SAXO1: variants seen among roughly 807,000 people sequenced by gnomAD.
The protein encoded by SAXO1 is stabilizer of axonemal microtubules 1.
Under a neutral mutation model 17.5 loss-of-function variants are expected in SAXO1, and 21 were observed. The ratio of observed to expected loss-of-function variants is 1.20; its 90% CI spans 0.85 to 1.72. The LOEUF (loss-of-function observed/expected upper bound fraction) is 1.72. SAXO1 is among the 40% of genes most tolerant of loss of function. SAXO1 has a pLI of 0.00. For missense variants in SAXO1, 843 were observed against 596.0 expected, an observed-to-expected ratio of 1.41 and a Z score of -4.32; for synonymous variants, 274 against 216.5, an observed-to-expected ratio of 1.27 and a Z score of -2.33.
At chr9:18,969,008 T>C (rs1424541669) in intron 1 of SAXO1, among the ~76,000 whole-genome samples, 3 of 143,446 alleles carry the variant, frequency 2.1e-5, no homozygotes, top group East Asian at 3.9e-4. Flanking sequence ...GGCAAAACCC[T>C]GATCATTGTT....
chr9:18,928,131 G>T lies in SAXO1; in HGVS notation c.1346C>A (p.Ala449Glu), dbSNP rs753917712. The T allele has an allele frequency of 1.9e-6, 3 of 1,614,186 alleles. No individual in the cohort carries two copies. The South Asian group carries it at 3.3e-5, about 18-fold the overall frequency. Reference protein sequence around the residue: ...GHRIYKPVSQAGSQQSSHLSV... With the variant: ...GHRIYKPVSQEGSQQSSHLSV... ...AAGATGGCTGCTCTGCTGAGAGCCT[G>T]CCTGGGAAACTGGTTTGTATATCCT... is the stretch of plus-strand genomic sequence containing the variant. The change falls in exon 4 of 4, where the codon GCA becomes GAA. Residue 449 changes from alanine (A) to glutamate (E), a missense_variant. Transcript: ENST00000380534.
intron 1 of SAXO1, among the ~76,000 whole-genome samples, chr9:19,043,971 C>A (rs980311335): frequency 2.6e-5 from 4 of 151,764 alleles, no homozygotes; most frequent in African/African-American, 9.7e-5. Context: ...ATGGTGAAAC[C>A]CTGTCTCTAC....
At chr9:18,971,611 C>A (rs1273168758) in intron 1 of SAXO1, among the ~76,000 whole-genome samples, 4 of 152,092 alleles carry the variant, frequency 2.6e-5, no homozygotes, top group Non-Finnish European at 5.9e-5. Context: ...CTTTCCAAAA[C>A]AAGTAGGAGG....
intron 1 of SAXO1, among the ~76,000 whole-genome samples, chr9:19,042,046 T>C (rs1298663910): frequency 1.3e-5 from 2 of 152,200 alleles, no homozygotes; most frequent in Admixed American, 6.5e-5. Context: ...ACTACCCATC[T>C]GATAAAAAAT....
chr9:19,020,259 T>C (rs1835166153), intron 1 of SAXO1, among the ~76,000 whole-genome samples: 2 of 152,140 alleles, frequency 1.3e-5, no homozygotes, highest in Admixed American at 6.5e-5. Flanking sequence ...GTGTAATTGA[T>C]TTTTCATCCC....
At chr9:19,011,535 T>G (rs942199931) in intron 1 of SAXO1, among the ~76,000 whole-genome samples, 1 of 152,198 alleles carries the variant, frequency 6.6e-6, no homozygotes, top group Non-Finnish European at 1.5e-5. Flanking sequence ...AGCTAAACCC[T>G]AAATTGTAGG....
chr9:19,048,543 A>G (rs956145066), intron 1 of SAXO1, among the ~76,000 whole-genome samples: 1 of 152,212 alleles, frequency 6.6e-6, no homozygotes, highest in African/African-American at 2.4e-5. Flanking sequence ...GATACTGGCG[A>G]CACTGATTCA....
At chr9:19,043,804 G>A (rs915364921) in intron 1 of SAXO1, among the ~76,000 whole-genome samples, 1 of 151,696 alleles carries the variant, frequency 6.6e-6, no homozygotes, top group Non-Finnish European at 1.5e-5. Context: ...TAGCACAACA[G>A]GATAATTATA....
intron 1 of SAXO1, among the ~76,000 whole-genome samples, chr9:19,018,393 G>T (rs1039105636): frequency 5.3e-5 from 8 of 152,176 alleles, no homozygotes; most frequent in Non-Finnish European, 1.2e-4. Context: ...TGGCAGGAAG[G>T]TGCAAAGAAG....
chr9:19,047,180 C>T (rs1399375393), intron 1 of SAXO1, among the ~76,000 whole-genome samples: 1 of 152,048 alleles, frequency 6.6e-6, no homozygotes, highest in Non-Finnish European at 1.5e-5. Flanking sequence ...GAGCAAGACT[C>T]CATCTCAAAA....
chr9:19,005,508 T>A (rs1834448242), intron 1 of SAXO1, among the ~76,000 whole-genome samples: 1 of 152,146 alleles, frequency 6.6e-6, no homozygotes, highest in South Asian at 2.1e-4. Flanking sequence ...AACAAAGGTA[T>A]CAAGACTATT....
intron 3 of SAXO1, among the ~76,000 whole-genome samples, chr9:18,931,768 C>G (rs1280079649): frequency 6.6e-6 from 1 of 152,196 alleles, no homozygotes; most frequent in African/African-American, 2.4e-5. Flanking sequence ...TCTCTAATGA[C>G]TAATGATGTT....
intron 1 of SAXO1, among the ~76,000 whole-genome samples, chr9:18,966,129 T>C (rs556959707): frequency 3.7e-4 from 56 of 152,380 alleles, no homozygotes; most frequent in African/African-American, 1.0e-3. Flanking sequence ...TCTGATGGGC[T>C]TCCCTTTGTG....
At chr9:18,990,375 G>C (rs899477685) in intron 1 of SAXO1, among the ~76,000 whole-genome samples, 4 of 152,126 alleles carry the variant, frequency 2.6e-5, no homozygotes, top group African/African-American at 9.7e-5. Flanking sequence ...CTTGCTTGTT[G>C]CTGAGAACTC....
At chr9:19,027,398 G>C in intron 1 of SAXO1, 2 of 762,664 alleles carry the variant, frequency 2.6e-6, no homozygotes, top group Non-Finnish European at 2.4e-6. Context: ...GAGCAATACA[G>C]TGACACTGGG....
upstream of SAXO1, among the ~76,000 whole-genome samples, chr9:19,036,653 T>C (rs547313503): frequency 7.2e-5 from 11 of 152,252 alleles, no homozygotes; most frequent in Admixed American, 2.6e-4. Context: ...AAGTCAAGAA[T>C]TGAGGTTTGG....
intron 1 of SAXO1, among the ~76,000 whole-genome samples, chr9:18,981,613 T>C (rs1042949795): frequency 2.6e-5 from 4 of 151,798 alleles, no homozygotes; most frequent in African/African-American, 9.7e-5. Context: ...TGTGCCTCTG[T>C]GTTTTTCTAA....
intron 1 of SAXO1, among the ~76,000 whole-genome samples, chr9:19,009,981 C>T (rs1298667623): frequency 2.0e-5 from 3 of 152,010 alleles, no homozygotes; most frequent in Non-Finnish European, 4.4e-5. Flanking sequence ...TGCATACCAC[C>T]ACATCTGGCT....
intron 3 of SAXO1, among the ~76,000 whole-genome samples, chr9:18,935,713 G>A (rs1363216178): frequency 6.6e-6 from 1 of 152,148 alleles, no homozygotes; most frequent in Non-Finnish European, 1.5e-5. Context: ...CTGGTTTGCT[G>A]GTCTGTTGCT....
Sources: allele counts gnomAD v4.1 joint callset (sites outside exome capture counted in the v4.1 genomes callset), GRCh38; gene constraint gnomAD v4.1.1; transcripts MANE v1.5; gene names NCBI Gene and HGNC (gene_info 2026-07-23, HGNC 2026-07-21).